Variants in NT5DC1 observed in about 807,000 individuals in gnomAD.
NT5DC1 encodes the protein 5'-nucleotidase domain containing 1.
In NT5DC1, 42 loss-of-function variants were observed where a neutral mutation model predicts 59.4. That is an observed-to-expected ratio of 0.71 (90% CI 0.55 to 0.92). The LOEUF (loss-of-function observed/expected upper bound fraction) is 0.92. Ranked by LOEUF, NT5DC1 falls within the 40% of genes least tolerant of loss-of-function variation. The probability of loss-of-function intolerance (pLI) is 0.00; values close to 1 mark genes in which losing one functional copy is unlikely to be tolerated. For synonymous variants in NT5DC1, 172 were observed against 188.1 expected (o/e 0.91, Z 0.70); for missense variants, 501 against 537.1 (o/e 0.93, Z 0.66).
chr6:116,143,076 T>C (rs900732424), intron 6 of NT5DC1, among the ~76,000 whole-genome samples: 1 of 152,232 alleles, frequency 6.6e-6, no homozygotes, highest in South Asian at 2.1e-4. Context: ...GACCGGATTT[T>C]GTTATTTTGA....
At chr6:116,119,390 T>C (rs557785783) in intron 6 of NT5DC1, 1 of 152,590 alleles carries the variant, frequency 6.6e-6, no homozygotes, top group African/African-American at 2.4e-5. Flanking sequence ...TCTGCAATCA[T>C]AGAAAAGTTT....
intron 11 of NT5DC1, among the ~76,000 whole-genome samples, chr6:116,241,939 CAAAACAAAA>C (rs1771736988): frequency 8.3e-5 from 1 of 12,030 alleles, no homozygotes; most frequent in African/African-American, 3.0e-4. Flanking sequence ...AAAAAAAAAA[CAAAACAAAA>C]AAAAAAAAAA....
intron 6 of NT5DC1, among the ~76,000 whole-genome samples, chr6:116,138,883 G>C (rs868566853): frequency 6.6e-6 from 1 of 152,002 alleles, no homozygotes; most frequent in African/African-American, 2.4e-5. Context: ...TCTTGCTTTT[G>C]GTTTGATTTC....
chr6:116,209,384 G>A (rs1348917533), intron 6 of NT5DC1, among the ~76,000 whole-genome samples: 1 of 152,022 alleles, frequency 6.6e-6, no homozygotes, highest in Non-Finnish European at 1.5e-5. Context: ...ACTTACTTCT[G>A]TAGTTAGGAA....
At chr6:116,234,887 C>T (rs1202596836) in intron 8 of NT5DC1, among the ~76,000 whole-genome samples, 1 of 152,164 alleles carries the variant, frequency 6.6e-6, no homozygotes, top group Non-Finnish European at 1.5e-5. Flanking sequence ...TTGCAGCTTC[C>T]TAGCTGTGGA....
At position 116,239,091 on chromosome 6, in the gene NT5DC1, C is replaced by T. The variant is rs1408561039; in HGVS notation, c.1220C>T (p.Thr407Ile). The T allele has an allele frequency of 6.2e-7, 1 of 1,612,280 alleles. No individual in the cohort carries two copies. The highest frequency in any genetic ancestry group is 8.5e-7 in the Non-Finnish European group (1 of 1,179,058). The part of the protein sequence containing the change: ...WSCKRISTYS[T>I]IAIPSIEAIA... ...TGTAAGAGAATCAGTACTTACAGCA[C>T]TATTGCAATTCCAAGTATTGAAGCA... Residue 407 changes from threonine to isoleucine, a missense_variant, in exon 11 of 12, where the codon ACT (threonine) becomes ATT (isoleucine). Thr to Ile is a moderately conservative substitution (Grantham distance 89). Transcript: ENST00000319550.
At chr6:116,234,633 A>G (rs1453568864) in intron 8 of NT5DC1, among the ~76,000 whole-genome samples, 1 of 152,176 alleles carries the variant, frequency 6.6e-6, no homozygotes, top group Non-Finnish European at 1.5e-5. Context: ...GAGCCACCAC[A>G]CCCAGCCTAC....
chr6:116,199,323 T>A (rs1441402897), intron 6 of NT5DC1, among the ~76,000 whole-genome samples: 1 of 152,058 alleles, frequency 6.6e-6, no homozygotes, highest in Admixed American at 6.6e-5. Context: ...GATGCTGTGT[T>A]CTCATCCAGA....
At chr6:116,178,088 TGCGCGCGCGCGC>T (rs770350675) in intron 6 of NT5DC1, among the ~76,000 whole-genome samples, 10 of 99,624 alleles carry the variant, frequency 1.0e-4, no homozygotes, top group Admixed American at 1.9e-4. Context: ...TGTGTGTGTG[TGCGCGCGCGCGC>T]GCGTGCGTGC....
At chr6:116,141,473 G>T (rs552339642) in intron 6 of NT5DC1, among the ~76,000 whole-genome samples, 1 of 151,826 alleles carries the variant, frequency 6.6e-6, no homozygotes, top group Non-Finnish European at 1.5e-5. Context: ...TACTTACATT[G>T]TTCTTTTCCC....
At chr6:116,192,082 G>C (rs1015830943) in intron 6 of NT5DC1, among the ~76,000 whole-genome samples, 9 of 151,986 alleles carry the variant, frequency 5.9e-5, no homozygotes, top group African/African-American at 1.9e-4. Flanking sequence ...TTAATATCAT[G>C]ATTAAGAATT....
At chr6:116,120,480 C>T (rs1467911952) in intron 6 of NT5DC1, 1 of 1,614,248 alleles carries the variant, frequency 6.2e-7, no homozygotes, top group South Asian at 1.1e-5. Context: ...ATTCCTGTTA[C>T]CCCCTGGTTG....
chr6:116,192,518 T>A (rs1781142358), intron 6 of NT5DC1, among the ~76,000 whole-genome samples: 1 of 152,054 alleles, frequency 6.6e-6, no homozygotes, highest in Non-Finnish European at 1.5e-5. Context: ...GGATTCTGTG[T>A]TTCTGTTAAG....
rs1771730111 is a variant in NT5DC1, at chr6:116,241,896, C to T, written c.1253-2013C>T. On this transcript the variant is annotated intron_variant, in intron 11 of 11. Coordinates refer to ENST00000319550, the MANE Select transcript of NT5DC1 (RefSeq NM_152729.3). ...CGAGATCGCGCCACTGCACTCCAGCCTGGGTGACAGAGCAAGACTCCGTCT... is the reference window on the plus strand; with the variant it reads ...CGAGATCGCGCCACTGCACTCCAGCTTGGGTGACAGAGCAAGACTCCGTCT... Among the ~76,000 whole-genome samples, 3 of 126,892 alleles carry T rather than the reference C, an allele frequency of 2.4e-5. No homozygotes were observed. In the Admixed American group the frequency reaches 2.8e-4, roughly 12 times the overall value. The allele number at this position is 126,892 out of a possible 152,430, so 83.2% of individuals were successfully genotyped here.
intron 4 of NT5DC1, among the ~76,000 whole-genome samples, chr6:116,113,641 A>G (rs1778918391): frequency 6.6e-6 from 1 of 152,184 alleles, no homozygotes; most frequent in Non-Finnish European, 1.5e-5. Context: ...CCCAAGTTCA[A>G]CAGTCAAATG....
chr6:116,243,022 A>G (rs185835422), intron 11 of NT5DC1, among the ~76,000 whole-genome samples: 13 of 152,288 alleles, frequency 8.5e-5, no homozygotes, highest in African/African-American at 2.9e-4. Flanking sequence ...ATTGTGCCTC[A>G]AGTCTTGGTT....
chr6:116,188,189 AT>A (rs1781042688), intron 6 of NT5DC1, among the ~76,000 whole-genome samples: 1 of 152,050 alleles, frequency 6.6e-6, no homozygotes, highest in Non-Finnish European at 1.5e-5. Flanking sequence ...GAATCTAGTG[AT>A]TTCAGTGGTT....
chr6:116,248,991 A>G lies in NT5DC1; in HGVS notation c.*4967A>G, dbSNP rs1016491220. 8 of 152,192 alleles carry G rather than the reference A, an allele frequency of 5.3e-5. No homozygotes were observed. The highest frequency in any genetic ancestry group is 1.9e-4 in the African/African-American group (8 of 41,462). The allele number at this position is 152,192 out of a possible 1,614,324, so 9.4% of individuals were successfully genotyped here. On this transcript the variant is annotated 3_prime_UTR_variant, in exon 12 of 12. Transcript: ENST00000319550. ...TTGGTTAGACTAAAGCAGATAATAA[A>G]CCAAGTGTAGGAAAAATGACATTTT...
chr6:116,241,551 A>G (rs1771714244), intron 11 of NT5DC1, among the ~76,000 whole-genome samples: 1 of 152,268 alleles, frequency 6.6e-6, no homozygotes, highest in African/African-American at 2.4e-5. Context: ...GAGAATTGTG[A>G]TGATATACAT....
Sources: gnomAD v4.1 joint callset for allele counts (sites outside exome capture counted in the v4.1 genomes callset) on GRCh38, gnomAD v4.1.1 for gene constraint, MANE v1.5 for transcripts, NCBI Gene and HGNC (gene_info 2026-07-23, HGNC 2026-07-21) for gene names.